Variants in NUP210L observed in about 807,000 individuals in gnomAD.
The protein encoded by NUP210L is nuclear pore membrane glycoprotein 210-like.
A neutral mutation model predicts 208.5 loss-of-function variants in NUP210L; 74 were observed. That is an observed-to-expected ratio of 0.35 (90% CI 0.29 to 0.43). The LOEUF is 0.43. NUP210L is among the 20% of genes least tolerant of loss of function. The pLI is 1.00. For missense variants in NUP210L, 1,843 were observed against 2,289.4 expected (o/e 0.81, Z 3.98); for synonymous variants, 780 against 816.9 (o/e 0.95, Z 0.77).
intron 16 of NUP210L, among the ~76,000 whole-genome samples, chr1:154,075,897 C>T (rs904020071): frequency 6.6e-6 from 1 of 151,858 alleles, no homozygotes; most frequent in African/African-American, 2.4e-5. Flanking sequence ...TCAAGCAATC[C>T]TCCCACCTCA....
chr1:154,116,169 G>A (rs754121405), intron 12 of NUP210L, among the ~76,000 whole-genome samples: 33 of 150,698 alleles, frequency 2.2e-4, no homozygotes, highest in Non-Finnish European at 4.4e-4. Flanking sequence ...GCAGGAGAAT[G>A]GGGTGAACCT....
Position 154,073,876 on chromosome 1 carries a change from G to A in NUP210L, c.2362-3411C>T, listed in dbSNP as rs572218866. On this transcript the variant is annotated intron_variant, in intron 16 of 39. Transcript: ENST00000368559. ...AATAAATAAATTCAATGGTATACTG[G>A]AGCAGGCTCATAGGTAAGCTGATTG... is the stretch of plus-strand genomic sequence containing the variant. 4.3e-4 allele frequency among the ~76,000 whole-genome samples: 65 copies of A among 151,530 alleles called. 1 individual carries two copies. The South Asian group carries it at 0.011, about 27-fold the overall frequency.
chr1:154,066,581 G>A (rs545048026), intron 17 of NUP210L, among the ~76,000 whole-genome samples: 8 of 152,116 alleles, frequency 5.3e-5, no homozygotes, highest in Non-Finnish European at 1.2e-4. Flanking sequence ...CCTGCACTCC[G>A]GCTTGGGCGA....
At chr1:154,057,879 G>A (rs948899354) in intron 22 of NUP210L, among the ~76,000 whole-genome samples, 6 of 152,100 alleles carry the variant, frequency 3.9e-5, no homozygotes, top group African/African-American at 1.4e-4. Flanking sequence ...GAGTAGCTGG[G>A]ACTACAGGCA....
At position 154,154,861 on chromosome 1, in the gene NUP210L, G is replaced by A; in HGVS notation, c.184C>T (p.Gln62Ter). 1 of 1,614,044 alleles carries A rather than the reference G, an allele frequency of 6.2e-7. No individual in the cohort carries two copies. The highest frequency in any genetic ancestry group is 1.1e-5 in the South Asian group (1 of 91,068). The stretch of plus-strand genomic sequence containing the variant: ...CCTCACCAAGTGTAGCAGCCCCGCT[G>A]GGCCTCCAGCAGGAAAGGCACCCGG... Residue 62 changes from glutamine to a stop codon, truncating the protein, a stop_gained, in exon 1 of 40, where the codon CAG (glutamine) becomes TAG (stop). Transcript: ENST00000368559. LOFTEE classifies it high-confidence loss of function.
intron 10 of NUP210L, among the ~76,000 whole-genome samples, chr1:154,120,011 C>G (rs920802022): frequency 1.3e-5 from 2 of 152,210 alleles, no homozygotes; most frequent in Non-Finnish European, 2.9e-5. Flanking sequence ...GTCCCACCAA[C>G]AGTGTAAAAG....
exon 8 of NUP210L, chr1:154,129,296 A>G (rs748992459): frequency 1.2e-6 from 2 of 1,608,282 alleles, no homozygotes; most frequent in Non-Finnish European, 1.7e-6. Flanking sequence ...CAGGCTCTAC[A>G]ACATATATGG....
chr1:154,121,648 C>T lies in NUP210L; in HGVS notation c.1327-2840G>A, dbSNP rs541949963. 4.6e-5 allele frequency among the ~76,000 whole-genome samples: 7 copies of T among 152,176 alleles called. No individual in the cohort carries two copies. In the South Asian group the frequency reaches 1.5e-3, roughly 32 times the overall value. The stretch of plus-strand genomic sequence containing the variant: ...TTGGGAGGCCAAGGCGGGTGGATCA[C>T]CTGAGGTCAGGAGTTTGAGACCAGT... On this transcript the variant is annotated intron_variant, in intron 10 of 39. Coordinates refer to ENST00000368559, the Ensembl canonical transcript of NUP210L.
chr1:154,076,345 A>G lies in NUP210L; in HGVS notation c.2362-5880T>C, dbSNP rs369129830. Among the ~76,000 whole-genome samples, 49 of 149,748 alleles carry G rather than the reference A, an allele frequency of 3.3e-4. 1 individual carries two copies. In the South Asian group the frequency reaches 0.01, roughly 32 times the overall value. ...TCTTGAACTCCTGACCTCATGATCC[A>G]CCCACCTCAGCCTCCCAAAGTGCTG... On this transcript the variant is annotated intron_variant, in intron 16 of 39. Coordinates refer to ENST00000368559, the Ensembl canonical transcript of NUP210L.
intron 16 of NUP210L, among the ~76,000 whole-genome samples, chr1:154,077,006 C>A (rs904206621): frequency 2.0e-5 from 3 of 152,098 alleles, no homozygotes; most frequent in Admixed American, 1.3e-4. Context: ...CATAAGGGAT[C>A]TTCCATGGGA....
intron 35 of NUP210L, among the ~76,000 whole-genome samples, chr1:154,004,068 G>GTTT (rs145961082): frequency 1.1e-4 from 15 of 141,552 alleles, no homozygotes; most frequent in African/African-American, 1.3e-4. Flanking sequence ...ATCCTTGCCT[G>GTTT]TTTTTTGTTT....
intron 33 of NUP210L, 64 bp downstream of exon 33, chr1:154,018,869 T>C: frequency 4.5e-6 from 7 of 1,558,138 alleles, no homozygotes; most frequent in Non-Finnish European, 6.2e-6. Flanking sequence ...ATTTTCTCTA[T>C]GCATATCCTC....
chr1:154,115,370 GGCTTGAAAGCAGCCACAGACAATATGT>G (rs1657268855), intron 12 of NUP210L, among the ~76,000 whole-genome samples: 1 of 152,124 alleles, frequency 6.6e-6, no homozygotes, highest in Non-Finnish European at 1.5e-5. Flanking sequence ...CAGCAGCTGT[GGCTTGAAAGCAGCCACAGACAATATGT>G]AAATGAATGG....
At chr1:154,025,641 T>C in exon 30 of NUP210L, 2 of 1,613,884 alleles carry the variant, frequency 1.2e-6, no homozygotes. Context: ...TCAGGAGCCC[T>C]TCACCATCCT....
intron 37 of NUP210L, among the ~76,000 whole-genome samples, chr1:153,999,756 AAGG>A (rs1379760477): frequency 5.3e-5 from 8 of 150,848 alleles, no homozygotes; most frequent in African/African-American, 1.9e-4. Context: ...AAAAAAAAAA[AAGG>A]TTTAAAATAG....
At chr1:154,137,937 C>G (rs545649865) in intron 6 of NUP210L, among the ~76,000 whole-genome samples, 169 bp downstream of exon 6, 1 of 152,218 alleles carries the variant, frequency 6.6e-6, no homozygotes, top group South Asian at 2.1e-4. Context: ...TTAATATGTT[C>G]AAGATATGGG....
chr1:154,090,548 C>T (rs1655851009), intron 15 of NUP210L, among the ~76,000 whole-genome samples: 1 of 152,172 alleles, frequency 6.6e-6, no homozygotes, highest in African/African-American at 2.4e-5. Flanking sequence ...CGGTGGCTCA[C>T]ACCTGTAATC....
rs756889247 is a variant in NUP210L at position 154,118,815 on chromosome 1, G to A, written c.1327-7C>T. On this transcript the variant is annotated splice_region_variant and splice_polypyrimidine_tract_variant and intron_variant, in intron 10 of 39. Coordinates refer to ENST00000368559, the Ensembl canonical transcript of NUP210L. ...TAGGCTGAATATCTTTATTCTATAA[G>A]AGCAGGAAAAAAGGAGCAAAATATA... 2 of 1,533,182 alleles carry A rather than the reference G, an allele frequency of 1.3e-6. No individual in the cohort carries two copies. Among genetic ancestry groups the A allele is most frequent in the Admixed American group, 1.8e-5 (1 of 56,254 alleles). 95.0% of individuals were successfully genotyped at this position (1,533,182 alleles called of 1,614,324 possible).
chr1:154,116,104 A>C (rs1212479732), intron 12 of NUP210L, among the ~76,000 whole-genome samples: 3 of 151,836 alleles, frequency 2.0e-5, no homozygotes, highest in Non-Finnish European at 4.4e-5. Flanking sequence ...AAATACAAAA[A>C]ATTGGCCGGG....
Sources: allele counts gnomAD v4.1 joint callset (sites outside exome capture counted in the v4.1 genomes callset), GRCh38; gene constraint gnomAD v4.1.1; transcripts MANE v1.5; gene names NCBI Gene and HGNC (gene_info 2026-07-23, HGNC 2026-07-21).